SLC4A10: variants seen among roughly 807,000 people sequenced by gnomAD.
The protein encoded by SLC4A10 is sodium-driven chloride bicarbonate exchanger.
A neutral mutation model predicts 137.7 loss-of-function variants in SLC4A10; 42 were observed. The ratio of observed to expected loss-of-function variants is 0.30; its 90% CI spans 0.24 to 0.39. The LOEUF is 0.39. Ranked by LOEUF, SLC4A10 falls within the 10% of genes least tolerant of loss-of-function variation. SLC4A10 has a pLI of 1.00. For synonymous variants in SLC4A10, 474 were observed against 464.1 expected (o/e 1.02, Z -0.27); for missense variants, 925 against 1,355.0 (o/e 0.68, Z 4.98).
intron 1 of SLC4A10, among the ~76,000 whole-genome samples, chr2:161,765,230 G>T (rs901535224): frequency 2.6e-5 from 4 of 152,104 alleles, no homozygotes; most frequent in Non-Finnish European, 4.4e-5. Flanking sequence ...GATATAAAAT[G>T]TATTTCTCAC....
intron 3 of SLC4A10, among the ~76,000 whole-genome samples, chr2:161,827,088 T>C (rs530709777): frequency 6.6e-6 from 1 of 152,344 alleles, no homozygotes; most frequent in East Asian, 1.9e-4. Flanking sequence ...GTTTGTGTAA[T>C]GTATTAATCC....
intron 6 of SLC4A10, among the ~76,000 whole-genome samples, chr2:161,864,058 C>T (rs962260929): frequency 4.6e-5 from 7 of 151,900 alleles, no homozygotes; most frequent in Non-Finnish European, 8.8e-5. Flanking sequence ...AAAAATTAGC[C>T]GGGCGTGGTA....
intron 3 of SLC4A10, among the ~76,000 whole-genome samples, chr2:161,832,957 G>A (rs2058531011): frequency 1.3e-5 from 2 of 152,164 alleles, no homozygotes; most frequent in South Asian, 4.1e-4. Context: ...AGCCAGGATG[G>A]TCTCGATCTG....
chr2:161,949,332 T>A (rs957286918), intron 18 of SLC4A10, 71 bp downstream of exon 18: 2 of 952,578 alleles, frequency 2.1e-6, no homozygotes, highest in Non-Finnish European at 3.2e-6. Context: ...CCTATAACTC[T>A]AGTACTTAGG....
chr2:161,936,291 C>T (rs1575731443), intron 15 of SLC4A10, among the ~76,000 whole-genome samples: 2 of 152,104 alleles, frequency 1.3e-5, no homozygotes, highest in East Asian at 3.9e-4. Flanking sequence ...TAATGCTTTC[C>T]TCATAAAATG....
intron 19 of SLC4A10, among the ~76,000 whole-genome samples, chr2:161,952,642 G>A (rs1246456887): frequency 6.6e-6 from 1 of 152,128 alleles, no homozygotes; most frequent in Admixed American, 6.6e-5. Context: ...TATGGCCACA[G>A]GCAGAAGAGT....
intron 2 of SLC4A10, among the ~76,000 whole-genome samples, chr2:161,785,948 T>C (rs1201656999): frequency 6.6e-6 from 1 of 151,920 alleles, no homozygotes; most frequent in African/African-American, 2.4e-5. Context: ...TGGTCAAGAG[T>C]GCAGTTTAAG....
chr2:161,665,130 G>A (rs1012088087), intron 1 of SLC4A10, among the ~76,000 whole-genome samples: 15 of 151,750 alleles, frequency 9.9e-5, no homozygotes, highest in South Asian at 2.1e-4. Context: ...AAATAGTAGC[G>A]GCTTTTGATC....
chr2:161,828,508 A>G (rs1001418661), intron 3 of SLC4A10, among the ~76,000 whole-genome samples: 1 of 148,988 alleles, frequency 6.7e-6, no homozygotes, highest in African/African-American at 2.4e-5. Context: ...TATTTTAAAT[A>G]TGTAGTATAA....
intron 15 of SLC4A10, among the ~76,000 whole-genome samples, chr2:161,921,781 C>T (rs1185210551): frequency 6.6e-6 from 1 of 152,126 alleles, no homozygotes; most frequent in African/African-American, 2.4e-5. Context: ...AACCCAGGAC[C>T]ATTTTGTCTT....
intron 1 of SLC4A10, among the ~76,000 whole-genome samples, chr2:161,629,100 A>G (rs530404956): frequency 4.6e-5 from 7 of 152,032 alleles, no homozygotes; most frequent in African/African-American, 1.7e-4. Flanking sequence ...TGTGGATGCC[A>G]CTCTCAGCCC....
At chr2:161,719,671 T>C (rs1193093242) in intron 1 of SLC4A10, among the ~76,000 whole-genome samples, 1 of 152,224 alleles carries the variant, frequency 6.6e-6, no homozygotes, top group Non-Finnish European at 1.5e-5. Flanking sequence ...AGCATTTTTT[T>C]ATGTGTCTGT....
In SLC4A10 at chr2:161,964,399, A is replaced by G. The variant is rs1697231454; in HGVS notation, c.3036+91A>G. 3.0e-6 allele frequency: 4 copies of G among 1,326,528 alleles called. No individual in the cohort carries two copies. The African/African-American group carries it at 4.4e-5, about 15-fold the overall frequency. 82.2% of individuals were successfully genotyped at this position (1,326,528 alleles called of 1,614,324 possible). A position where few individuals can be genotyped will look rare whatever the true frequency, so the allele number is the denominator to read the frequency against. ...ACATGAATTGAAACTGGAACAACAG[A>G]GTCATTTTGAACAATTATTGGAAAA... On this transcript the variant is annotated intron_variant, in intron 22 of 26. Coordinates refer to ENST00000446997, the MANE Select transcript of SLC4A10 (RefSeq NM_001178015.2).
chr2:161,718,847 A>G (rs2045270320), intron 1 of SLC4A10, among the ~76,000 whole-genome samples: 1 of 151,710 alleles, frequency 6.6e-6, no homozygotes, highest in Non-Finnish European at 1.5e-5. Context: ...TCCTTTGTTG[A>G]TTTTCTGTCG....
intron 1 of SLC4A10, among the ~76,000 whole-genome samples, chr2:161,650,050 C>T (rs181862819): frequency 1.2e-3 from 183 of 152,296 alleles, no homozygotes; most frequent in Admixed American, 2.8e-3. Flanking sequence ...ATTCATATTT[C>T]ACCAGTTTAC....
intron 4 of SLC4A10, among the ~76,000 whole-genome samples, chr2:161,849,579 A>T (rs2059704368): frequency 6.6e-6 from 1 of 152,110 alleles, no homozygotes; most frequent in African/African-American, 2.4e-5. Context: ...TACACCTTCA[A>T]TGCCTAGTTT....
chr2:161,871,938 G>T (rs2061153813), intron 6 of SLC4A10, among the ~76,000 whole-genome samples: 1 of 152,042 alleles, frequency 6.6e-6, no homozygotes, highest in Admixed American at 6.6e-5. Flanking sequence ...CTTAACAGAT[G>T]TCTATCTTGT....
chr2:161,941,388 A>G (rs1255201318), intron 15 of SLC4A10, among the ~76,000 whole-genome samples: 1 of 152,132 alleles, frequency 6.6e-6, no homozygotes, highest in Non-Finnish European at 1.5e-5. Context: ...TTCATACTAA[A>G]TGGATTGGTT....
At chr2:161,935,929 A>T (rs1691503347) in intron 15 of SLC4A10, among the ~76,000 whole-genome samples, 1 of 152,084 alleles carries the variant, frequency 6.6e-6, no homozygotes, top group African/African-American at 2.4e-5. Context: ...GGTTTATCAC[A>T]TGTGGTCTTT....
Sources: gnomAD v4.1 joint callset for allele counts (sites outside exome capture counted in the v4.1 genomes callset) on GRCh38, gnomAD v4.1.1 for gene constraint, MANE v1.5 for transcripts, NCBI Gene and HGNC (gene_info 2026-07-23, HGNC 2026-07-21) for gene names.